Variants in BABAM2 observed in about 807,000 individuals in gnomAD.
The protein encoded by BABAM2 is BRISC and BRCA1-A complex member 2.
BABAM2 carries 31 observed loss-of-function variants against 54.7 expected under a neutral mutation model. The ratio of observed to expected loss-of-function variants is 0.57; its 90% CI spans 0.43 to 0.77. The LOEUF is 0.77. Ranked by LOEUF, BABAM2 falls within the 30% of genes least tolerant of loss-of-function variation. The probability of loss-of-function intolerance (pLI) is 0.00; values close to 1 mark genes in which losing one functional copy is unlikely to be tolerated. For synonymous variants in BABAM2, 167 were observed against 162.9 expected (o/e 1.03, Z -0.19); for missense variants, 364 against 455.8 (o/e 0.80, Z 1.83).
At chr2:27,926,936 G>C (rs962276073) in intron 2 of BABAM2, among the ~76,000 whole-genome samples, 5 of 152,102 alleles carry the variant, frequency 3.3e-5, no homozygotes, top group African/African-American at 1.2e-4. Context: ...TCATTTATTT[G>C]TGATGGAAAC....
intron 6 of BABAM2, among the ~76,000 whole-genome samples, chr2:28,075,137 C>G (rs774672781): frequency 2.6e-5 from 4 of 152,130 alleles, no homozygotes; most frequent in Non-Finnish European, 5.9e-5. Flanking sequence ...CCTTGCCTGC[C>G]TCCGTTTTTA....
At chr2:28,233,102 C>G in intron 7 of BABAM2, 1 of 391,600 alleles carries the variant, frequency 2.6e-6, no homozygotes. Flanking sequence ...GAGAAGGTAC[C>G]TTCTCATCAG....
chr2:27,926,345 C>T (rs561806756), intron 2 of BABAM2, among the ~76,000 whole-genome samples: 80 of 152,216 alleles, frequency 5.3e-4, no homozygotes, highest in Middle Eastern at 3.4e-3. Flanking sequence ...TTACTGTGCT[C>T]CAGCCGCATT....
At chr2:28,317,119 A>G (rs1422942722) in intron 11 of BABAM2, among the ~76,000 whole-genome samples, 4 of 152,142 alleles carry the variant, frequency 2.6e-5, no homozygotes, top group Non-Finnish European at 4.4e-5. Context: ...CCTAACAGCG[A>G]GCAGGACCAC....
chr2:28,290,301 C>T (rs1264727724), intron 10 of BABAM2, among the ~76,000 whole-genome samples: 9 of 151,972 alleles, frequency 5.9e-5, no homozygotes, highest in African/African-American at 7.3e-5. Context: ...CCTTCTCCTG[C>T]GATCTTTTTA....
chr2:28,100,474 A>G lies in BABAM2; in HGVS notation c.571-28797A>G, dbSNP rs191170861. The stretch of plus-strand genomic sequence containing the variant: ...GAGACTCTGTCTCCAAAAAAAAAAA[A>G]AAAAAAAAGATGGCTGCCTGACTTT... On this transcript the variant is annotated intron_variant, in intron 6 of 11. Transcript: ENST00000379624. Among the ~76,000 whole-genome samples the G allele has an allele frequency of 7.4e-3, 1,115 of 151,354 alleles. 15 individuals carry two copies. The highest frequency in any genetic ancestry group is 0.026 in the African/African-American group (1,078 of 41,208).
intron 3 of BABAM2, among the ~76,000 whole-genome samples, chr2:27,950,716 A>G (rs1669647065): frequency 6.6e-6 from 1 of 152,220 alleles, no homozygotes; most frequent in East Asian, 1.9e-4. Flanking sequence ...TTTGTGAAGA[A>G]TTCATATTAT....
chr2:28,056,902 GT>G (rs1558295969), intron 6 of BABAM2, among the ~76,000 whole-genome samples: 1 of 152,188 alleles, frequency 6.6e-6, no homozygotes, highest in Non-Finnish European at 1.5e-5. Flanking sequence ...TGTCAGTGCT[GT>G]GCTTACAAAG....
chr2:28,132,920 T>A (rs544597520), intron 7 of BABAM2, among the ~76,000 whole-genome samples: 9 of 152,338 alleles, frequency 5.9e-5, no homozygotes, highest in Non-Finnish European at 2.9e-5. Flanking sequence ...AATTGCCTAA[T>A]TGGCAGTCTT....
At chr2:28,232,240 T>C (rs1471392082) in intron 7 of BABAM2, among the ~76,000 whole-genome samples, 1 of 152,210 alleles carries the variant, frequency 6.6e-6, no homozygotes, top group Non-Finnish European at 1.5e-5. Flanking sequence ...GTCTAAATTA[T>C]GTTTTGCTCA....
intron 3 of BABAM2, among the ~76,000 whole-genome samples, chr2:27,985,819 T>C (rs140631679): frequency 8.3e-4 from 127 of 152,308 alleles, no homozygotes; most frequent in Non-Finnish European, 1.3e-3. Context: ...CGTGTCACAG[T>C]ATCTCACAGG....
intron 7 of BABAM2, among the ~76,000 whole-genome samples, chr2:28,155,039 A>G (rs1384379804): frequency 2.0e-5 from 3 of 152,172 alleles, no homozygotes; most frequent in African/African-American, 7.2e-5. Context: ...TTGCTTCTGT[A>G]AACTAATACC....
At chr2:27,890,336 A>G (rs1350414689), upstream of BABAM2, 1 of 1,613,322 alleles carries the variant, frequency 6.2e-7, no homozygotes, top group African/African-American at 1.3e-5. This position sits in a 1 kb window ranked among gnomAD's most constrained non-coding sequence, Gnocchi z 4.8. Flanking sequence ...GGTTCCCCAG[A>G]CGCCGCCATC....
intron 10 of BABAM2, among the ~76,000 whole-genome samples, chr2:28,246,838 A>G (rs1309193954): frequency 6.6e-6 from 1 of 152,254 alleles, no homozygotes; most frequent in East Asian, 1.9e-4. Flanking sequence ...TGATGGTCAG[A>G]GATAAAAGAA....
chr2:28,281,001 T>C (rs1394662875), intron 10 of BABAM2, among the ~76,000 whole-genome samples: 1 of 152,246 alleles, frequency 6.6e-6, no homozygotes, highest in Non-Finnish European at 1.5e-5. Context: ...TACTTTATTT[T>C]AAAGCCCTTT....
chr2:28,274,070 G>C (rs946080906), intron 10 of BABAM2, among the ~76,000 whole-genome samples: 1 of 152,204 alleles, frequency 6.6e-6, no homozygotes, highest in African/African-American at 2.4e-5. Flanking sequence ...CAGCTGGTTT[G>C]TCTGTGGCTC....
rs557024900 is a variant in BABAM2 at position 28,202,980 on chromosome 2, C to T, written c.681-34222C>T. Among the ~76,000 whole-genome samples, 8 of 152,240 alleles carry T rather than the reference C, an allele frequency of 5.3e-5. No individual in the cohort carries two copies. The East Asian group carries it at 1.5e-3, about 29-fold the overall frequency. ...CCTCCACCCCCCCACAGAAAGAATGCTTTCCTATTGATGAATCATTATGGG... is the reference window on the plus strand; with the variant it reads ...CCTCCACCCCCCCACAGAAAGAATGTTTTCCTATTGATGAATCATTATGGG... On this transcript the variant is annotated intron_variant, in intron 7 of 11. Coordinates refer to ENST00000379624, the MANE Select transcript of BABAM2 (RefSeq NM_199191.3).
intron 7 of BABAM2, among the ~76,000 whole-genome samples, chr2:28,167,740 C>T (rs943332881): frequency 1.5e-5 from 2 of 136,116 alleles, no homozygotes; most frequent in South Asian, 2.5e-4. Flanking sequence ...AAATAAATAA[C>T]GCAGTTTGCT....
intron 3 of BABAM2, among the ~76,000 whole-genome samples, chr2:27,984,867 C>G (rs1366734812): frequency 6.6e-6 from 1 of 151,848 alleles, no homozygotes; most frequent in African/African-American, 2.4e-5. Flanking sequence ...CCCTCGAGTC[C>G]CCAAAGTCCA....
Sources: gnomAD v4.1 joint callset for allele counts (sites outside exome capture counted in the v4.1 genomes callset) on GRCh38, gnomAD v4.1.1 for gene constraint, Gnocchi (gnomAD v3.1) non-coding constraint, MANE v1.5 for transcripts, NCBI Gene and HGNC (gene_info 2026-07-23, HGNC 2026-07-21) for gene names.